The following OTOGL variants were observed in gnomAD, a reference collection of about 807,000 sequenced individuals.
OTOGL encodes the protein otogelin-like protein.
OTOGL carries 285 observed loss-of-function variants against 318.5 expected under a neutral mutation model. The observed-to-expected ratio is 0.89, with a 90% CI of 0.81 to 0.99. OTOGL has a LOEUF of 0.99. Ranked by LOEUF, OTOGL falls within the 50% of genes least tolerant of loss-of-function variation. The pLI is 0.00. For missense variants in OTOGL, 2,899 were observed against 2,845.6 expected (o/e 1.02, Z -0.43); for synonymous variants, 987 against 936.5 (o/e 1.05, Z -0.99).
chr12:80,347,613 T>C (rs1015748729), intron 44 of OTOGL, among the ~76,000 whole-genome samples: 14 of 152,188 alleles, frequency 9.2e-5, no homozygotes, highest in African/African-American at 3.1e-4. Flanking sequence ...TGTAGAATGA[T>C]TTATAATCCT....
At chr12:80,270,303 A>C (rs751175164) in intron 23 of OTOGL, 149 bp downstream of exon 23, 3 of 673,460 alleles carry the variant, frequency 4.5e-6, no homozygotes, top group Non-Finnish European at 7.6e-6. Context: ...AGTGCTTCTT[A>C]ACTTTTTCCA....
intron 1 of OTOGL, among the ~76,000 whole-genome samples, chr12:80,203,545 G>A (rs948560111): frequency 7.2e-5 from 11 of 152,208 alleles, no homozygotes; most frequent in African/African-American, 2.7e-4. Context: ...TCATAAAGAT[G>A]TGTTGCCAAT....
chr12:80,296,721 G>T (rs1034592264), intron 26 of OTOGL, 106 bp from the exon 27 acceptor site: 1 of 896,658 alleles, frequency 1.1e-6, no homozygotes, highest in Non-Finnish European at 1.5e-6. Flanking sequence ...TTGTTTTTCA[G>T]TTCTAATGCA....
chr12:80,305,800 T>C (rs1185960907), intron 29 of OTOGL, 105 bp downstream of exon 29: 4 of 939,898 alleles, frequency 4.3e-6, no homozygotes, highest in Non-Finnish European at 5.8e-6. Context: ...ACATACTATT[T>C]TCATAGTAAT....
Position 80,101,856 on chromosome 12 carries a change from T to C in OTOGL, c.-20+2251T>C, listed in dbSNP as rs145329114. Among the ~76,000 whole-genome samples, 624 of 152,314 alleles carry C rather than the reference T, an allele frequency of 4.1e-3. 4 individuals are homozygous for C. The highest frequency in any genetic ancestry group is 0.014 in the African/African-American group (601 of 41,566). On this transcript the variant is annotated intron_variant, in intron 1 of 58. Coordinates refer to ENST00000547103, the MANE Select transcript of OTOGL (RefSeq NM_001378609.3). ...TGCTGTAGGTGAAGTGTTGTGGTAT[T>C]GATGTCCTCATTGTAATTAAACGGA...
chr12:80,342,399 A>C (rs1007987495), intron 44 of OTOGL, among the ~76,000 whole-genome samples: 11 of 152,184 alleles, frequency 7.2e-5, no homozygotes, highest in Non-Finnish European at 1.0e-4. Context: ...TTTCAGAAAA[A>C]AAATGAAAGT....
intron 1 of OTOGL, among the ~76,000 whole-genome samples, chr12:80,147,472 C>T (rs1005157750): frequency 6.0e-5 from 9 of 151,060 alleles, no homozygotes; most frequent in African/African-American, 2.2e-4. Context: ...GCTTTACTTC[C>T]AAGTATGTGG....
chr12:80,338,445 A>G (rs1378179987), intron 42 of OTOGL, among the ~76,000 whole-genome samples: 1 of 152,050 alleles, frequency 6.6e-6, no homozygotes, highest in Non-Finnish European at 1.5e-5. Flanking sequence ...GCTGCTAGTT[A>G]CAGCTCATGG....
intron 1 of OTOGL, among the ~76,000 whole-genome samples, chr12:80,154,470 A>G (rs374485255): frequency 1.6e-4 from 24 of 152,206 alleles, no homozygotes; most frequent in African/African-American, 5.8e-4. Context: ...ACAATCAATC[A>G]AATATTTTCT....
chr12:80,346,027 T>C (rs1043268700), intron 44 of OTOGL, among the ~76,000 whole-genome samples: 23 of 152,222 alleles, frequency 1.5e-4, no homozygotes, highest in Admixed American at 1.4e-3. Context: ...ACCATCATGC[T>C]GAACTCGATA....
At chr12:80,275,859 T>C (rs1883763596) in intron 24 of OTOGL, among the ~76,000 whole-genome samples, 2 of 151,730 alleles carry the variant, frequency 1.3e-5, no homozygotes, top group Non-Finnish European at 2.9e-5. Context: ...TGCAATAAAG[T>C]ATTTTTAAAT....
chr12:80,197,431 G>T (rs1207885059), intron 1 of OTOGL, among the ~76,000 whole-genome samples: 1 of 152,086 alleles, frequency 6.6e-6, no homozygotes, highest in African/African-American at 2.4e-5. Context: ...TCACCATGTT[G>T]GCCAGGCTGG....
intron 1 of OTOGL, among the ~76,000 whole-genome samples, chr12:80,100,983 A>G (rs896398148): frequency 7.2e-5 from 11 of 152,170 alleles, no homozygotes; most frequent in African/African-American, 2.4e-4. Flanking sequence ...GTATTCTTAT[A>G]GCACTGGGTT....
chr12:80,132,363 A>G (rs1362227003), intron 1 of OTOGL: 2 of 152,248 alleles, frequency 1.3e-5, no homozygotes, highest in East Asian at 3.8e-4. Flanking sequence ...TATATGACAA[A>G]AATATAAAAA....
At chr12:80,375,045 T>C (rs763219608) in intron 57 of OTOGL, among the ~76,000 whole-genome samples, 15 of 152,236 alleles carry the variant, frequency 9.9e-5, no homozygotes, top group Non-Finnish European at 1.9e-4. Flanking sequence ...TTCTTTGAAG[T>C]TGCAGAATAA....
intron 1 of OTOGL, among the ~76,000 whole-genome samples, chr12:80,192,526 T>C (rs1326262357): frequency 6.6e-6 from 1 of 152,226 alleles, no homozygotes; most frequent in Admixed American, 6.5e-5. Context: ...TGAATTTCCA[T>C]GCTGGAAACA....
intron 1 of OTOGL, among the ~76,000 whole-genome samples, chr12:80,141,830 G>A (rs546649557): frequency 6.6e-6 from 1 of 152,268 alleles, no homozygotes; most frequent in East Asian, 1.9e-4. Context: ...TTCTATATAG[G>A]TATGTAGTAG....
chr12:80,210,129 A>G lies in OTOGL; in HGVS notation c.79+619A>G, dbSNP rs531855296. On this transcript the variant is annotated intron_variant, in intron 2 of 58. Transcript: ENST00000547103. ...ACACACACAAAATTAAAATGACATAACACACCTTCACGTGCCTTCACCCAG... is the reference window on the plus strand; with the variant it reads ...ACACACACAAAATTAAAATGACATAGCACACCTTCACGTGCCTTCACCCAG... Among the ~76,000 whole-genome samples, 14 of 152,224 alleles carry G rather than the reference A, an allele frequency of 9.2e-5. No homozygotes were observed. In the South Asian group the frequency reaches 2.9e-3, roughly 32 times the overall value.
intron 1 of OTOGL, among the ~76,000 whole-genome samples, chr12:80,114,534 T>A (rs1265168747): frequency 2.0e-5 from 3 of 152,210 alleles, no homozygotes; most frequent in Admixed American, 2.0e-4. Context: ...TCTCTCTGGC[T>A]GCCCTTAACG....
Sources: allele counts gnomAD v4.1 joint callset (sites outside exome capture counted in the v4.1 genomes callset), GRCh38; gene constraint gnomAD v4.1.1; transcripts MANE v1.5; gene names NCBI Gene and HGNC (gene_info 2026-07-23, HGNC 2026-07-21).